Variants in LRRFIP1 observed in about 807,000 individuals in gnomAD.
LRRFIP1 encodes the protein LRR binding FLII interacting protein 1.
A neutral mutation model predicts 104.4 loss-of-function variants in LRRFIP1; 62 were observed. The observed-to-expected ratio is 0.59, with a 90% CI of 0.48 to 0.73. The LOEUF is 0.73. Among genes scored for constraint, LRRFIP1 ranks in the 30% least tolerant of loss-of-function variants. LRRFIP1 has a pLI of 0.00. For missense variants in LRRFIP1, 796 were observed against 824.5 expected (o/e 0.97, Z 0.42); for synonymous variants, 300 against 299.0 (o/e 1.00, Z -0.03).
chr2:237,671,848 A>G lies in LRRFIP1; in HGVS notation c.97-36696A>G, dbSNP rs553866376. Among the ~76,000 whole-genome samples the G allele has an allele frequency of 1.7e-4, 25 of 148,918 alleles. No homozygotes were observed. The Admixed American group carries it at 1.7e-3, about 10-fold the overall frequency. On this transcript the variant is annotated intron_variant, in intron 1 of 23. Transcript: ENST00000308482. ...CACATGTGTGTGTGTGCCTGCATGCATGTGTGTGTCTGTGTATTCCTTTTG... is the reference window on the plus strand; with the variant it reads ...CACATGTGTGTGTGTGCCTGCATGCGTGTGTGTGTCTGTGTATTCCTTTTG...
In LRRFIP1 at chr2:237,649,101, G is replaced by C. The variant is rs1032971070; in HGVS notation, c.96+21361G>C. Among the ~76,000 whole-genome samples the C allele has an allele frequency of 7.9e-4, 120 of 151,990 alleles. 4 individuals carry two copies. The highest frequency in any genetic ancestry group is 2.9e-4 in the Non-Finnish European group (20 of 67,908). The stretch of plus-strand genomic sequence containing the variant: ...CCCTGGGTCTTGGCCGGCCCCTGGA[G>C]CTGGAGGAGGTGCTGGGCCATGGTT... On this transcript the variant is annotated intron_variant, in intron 1 of 23. Coordinates refer to ENST00000308482, the MANE Select transcript of LRRFIP1 (RefSeq NM_001137550.2). The surrounding 1 kb of genome is among the most constrained non-coding windows in gnomAD (Gnocchi z 4.1).
chr2:237,725,400 G>T (rs2094702891), intron 7 of LRRFIP1, among the ~76,000 whole-genome samples: 1 of 152,190 alleles, frequency 6.6e-6, no homozygotes, highest in South Asian at 2.1e-4. Flanking sequence ...CCCAACTTAA[G>T]ATGAAGTTAA....
At chr2:237,743,024 CA>C (rs1464327971) in intron 11 of LRRFIP1, among the ~76,000 whole-genome samples, 1 of 147,220 alleles carries the variant, frequency 6.8e-6, no homozygotes, top group African/African-American at 2.6e-5. Context: ...GAAACCCCCC[CA>C]AAAAAACAAA....
intron 1 of LRRFIP1, among the ~76,000 whole-genome samples, chr2:237,659,115 A>C (rs1456327372): frequency 6.6e-6 from 1 of 152,054 alleles, no homozygotes; most frequent in Non-Finnish European, 1.5e-5. Flanking sequence ...TTTTAATGAG[A>C]CAGGGTCTCG....
At chr2:237,722,351 C>T (rs551839125) in intron 6 of LRRFIP1, among the ~76,000 whole-genome samples, 2 of 152,196 alleles carry the variant, frequency 1.3e-5, no homozygotes, top group South Asian at 4.2e-4. Context: ...CTTACATTTT[C>T]CTGGGAAAAG....
intron 1 of LRRFIP1, among the ~76,000 whole-genome samples, chr2:237,685,018 C>CAGTGAGCCAAGGTTGTATGT (rs1226148123): frequency 6.6e-6 from 1 of 151,838 alleles, no homozygotes; most frequent in Non-Finnish European, 1.5e-5. Flanking sequence ...GACAAGGTTG[C>CAGTGAGCCAAGGTTGTATGT]AGTGAGCCAA....
intron 1 of LRRFIP1, among the ~76,000 whole-genome samples, chr2:237,666,847 TTC>T (rs1006780802): frequency 3.3e-5 from 5 of 149,284 alleles, no homozygotes; most frequent in African/African-American, 1.3e-4. Flanking sequence ...GCCTTCTTTT[TTC>T]TTTCTTTCTT....
At position 237,661,108 on chromosome 2, in the gene LRRFIP1, G is replaced by A. The variant is rs2087850307; in HGVS notation, c.96+33368G>A. Among the ~76,000 whole-genome samples, 1 of 152,100 alleles carries A rather than the reference G, an allele frequency of 6.6e-6. No individual in the cohort carries two copies. The highest frequency in any genetic ancestry group is 2.1e-4 in the South Asian group (1 of 4,816). On this transcript the variant is annotated intron_variant, in intron 1 of 23. Transcript: ENST00000308482. This position sits in a 1 kb window ranked among gnomAD's most constrained non-coding sequence, Gnocchi z 4.4. ...TTCCTGGGTTGGGCTGCGGGGAGAG[G>A]CCTTGCTACAGTGGGTGCCTCATCA...
At chr2:237,668,531 C>G (rs1351617254) in intron 1 of LRRFIP1, among the ~76,000 whole-genome samples, 6 of 152,148 alleles carry the variant, frequency 3.9e-5, no homozygotes, top group African/African-American at 1.4e-4. Flanking sequence ...CTCTTAGCCC[C>G]CTCCTTCCTG....
intron 1 of LRRFIP1, among the ~76,000 whole-genome samples, chr2:237,645,560 G>A (rs987558330): frequency 2.0e-5 from 3 of 151,940 alleles, no homozygotes; most frequent in Admixed American, 6.6e-5. Flanking sequence ...TCTGTACTCC[G>A]GACCCTGACA....
In LRRFIP1 at chr2:237,692,575, G is replaced by C. The variant is rs2092883884; in HGVS notation, c.97-15969G>C. ...TTTCGTGACTGCGGCGGGGTTTCAG[G>C]GGCTTCCAGCTCGTTCCGAGGTCAA... On this transcript the variant is annotated intron_variant, in intron 1 of 23. Transcript: ENST00000308482. 6 of 1,467,722 alleles carry C rather than the reference G, an allele frequency of 4.1e-6. No individual in the cohort carries two copies. The South Asian group carries it at 7.8e-5, about 19-fold the overall frequency. The allele number at this position is 1,467,722 out of a possible 1,614,324, so 90.9% of individuals were successfully genotyped here.
Position 237,751,209 on chromosome 2 carries a change from G to A in LRRFIP1, c.805G>A (p.Glu269Lys). ...ASIREIKELN[E>K]LKDQIQDVEG... ...TTGCCATTTCCCCCAGGAACTCAAT[G>A]AGTTAAAGGACCAGATTCAGGATGT... is the stretch of plus-strand genomic sequence containing the variant. The change falls in exon 14 of 24, where the codon GAG (glutamate) becomes AAG (lysine). Residue 269 changes from glutamate (E) to lysine (K), a missense_variant. By Grantham distance (56) the Glu-to-Lys change is moderately conservative. Coordinates refer to ENST00000308482, the MANE Select transcript of LRRFIP1 (RefSeq NM_001137550.2). 6.2e-7 allele frequency: 1 copy of A among 1,607,716 alleles called. No homozygotes were observed. The highest frequency in any genetic ancestry group is 1.1e-5 in the South Asian group (1 of 88,762).
intron 1 of LRRFIP1, among the ~76,000 whole-genome samples, chr2:237,686,730 G>T (rs1471634250): frequency 1.3e-5 from 2 of 152,342 alleles, no homozygotes; most frequent in East Asian, 3.9e-4. Context: ...CTTTCCAGAC[G>T]CTCTTGCTCT....
Position 237,627,616 on chromosome 2 carries a change from C to A in LRRFIP1, c.-29C>A, listed in dbSNP as rs1453779312. ...CGGCGCGAGCGGCTGGAGCAACGGG[C>A]CCCGCGGCAGCTGCGGGCGACGCGG... On this transcript the variant is annotated 5_prime_UTR_variant, in exon 1 of 24. Transcript: ENST00000308482. 8.0e-7 allele frequency: 1 copy of A among 1,247,102 alleles called. No individual in the cohort carries two copies. Among genetic ancestry groups the A allele is most frequent in the Non-Finnish European group, 1.0e-6 (1 of 977,838 alleles). 77.3% of individuals were successfully genotyped at this position (1,247,102 alleles called of 1,614,324 possible).
intron 1 of LRRFIP1, among the ~76,000 whole-genome samples, chr2:237,663,057 G>A (rs913451313): frequency 6.6e-6 from 1 of 152,162 alleles, no homozygotes; most frequent in African/African-American, 2.4e-5. Flanking sequence ...GGAGCCGGCA[G>A]GGAGCTGGAA....
At chr2:237,700,922 T>G (rs547966210) in intron 1 of LRRFIP1, among the ~76,000 whole-genome samples, 183 of 152,294 alleles carry the variant, frequency 1.2e-3, no homozygotes, top group Non-Finnish European at 1.9e-3. Context: ...TGCCCTAAAG[T>G]TGTGGCTCAT....
intron 7 of LRRFIP1, among the ~76,000 whole-genome samples, chr2:237,724,643 T>A (rs1014814342): frequency 1.3e-5 from 2 of 152,236 alleles, no homozygotes; most frequent in Non-Finnish European, 2.9e-5. Context: ...TCTGTGACAC[T>A]GTAACTCCAG....
chr2:237,657,795 A>G (rs1473761531), intron 1 of LRRFIP1, among the ~76,000 whole-genome samples: 1 of 152,256 alleles, frequency 6.6e-6, no homozygotes, highest in East Asian at 1.9e-4. Flanking sequence ...TGAATAAACT[A>G]TTGAAGACAA....
chr2:237,740,651 C>T (rs56198192), intron 11 of LRRFIP1, among the ~76,000 whole-genome samples: 5 of 152,164 alleles, frequency 3.3e-5, no homozygotes, highest in South Asian at 2.1e-4. Context: ...AAATTAGATG[C>T]AGTCTTTTAA....
Sources: gnomAD v4.1 joint callset for allele counts (sites outside exome capture counted in the v4.1 genomes callset) on GRCh38, gnomAD v4.1.1 for gene constraint, Gnocchi (gnomAD v3.1) non-coding constraint, MANE v1.5 for transcripts, NCBI Gene and HGNC (gene_info 2026-07-23, HGNC 2026-07-21) for gene names.